PPA2: variants seen among roughly 807,000 people sequenced by gnomAD.
PPA2 encodes the protein inorganic pyrophosphatase 2.
A neutral mutation model predicts 49.5 loss-of-function variants in PPA2; 48 were observed. That is an observed-to-expected ratio of 0.97 (90% CI 0.77 to 1.23). The LOEUF (loss-of-function observed/expected upper bound fraction) is 1.23, where lower values mean the gene tolerates loss of function less well. Among genes scored for constraint, PPA2 ranks in the 50% most tolerant of loss-of-function variants. The pLI, the probability that PPA2 is intolerant of heterozygous loss-of-function variation, is 0.00. For synonymous variants in PPA2, 131 were observed against 139.9 expected (o/e 0.94, Z 0.45); for missense variants, 429 against 410.1 (o/e 1.05, Z -0.40).
chr4:105,449,508 A>T, intron 3 of PPA2, 105 bp from the exon 4 acceptor site: 1 of 657,528 alleles, frequency 1.5e-6, no homozygotes, highest in Non-Finnish European at 2.5e-6. Context: ...CCCGACAAAA[A>T]AAATGTTGAG....
At chr4:105,437,827 T>A (rs1724135147) in intron 6 of PPA2, 123 bp downstream of exon 6, 2 of 678,512 alleles carry the variant, frequency 2.9e-6, no homozygotes, top group Non-Finnish European at 4.8e-6. Flanking sequence ...AAGGAGGGAC[T>A]GATAACAGAG....
intron 4 of PPA2, 45 bp downstream of exon 4, chr4:105,449,305 T>C (rs1722564449): frequency 5.2e-6 from 6 of 1,150,164 alleles, no homozygotes; most frequent in Admixed American, 2.4e-5. Context: ...AAGTTTTATA[T>C]CATTATAATC....
At chr4:105,455,397 G>A (rs1036628961) in intron 2 of PPA2, among the ~76,000 whole-genome samples, 1 of 152,080 alleles carries the variant, frequency 6.6e-6, no homozygotes, top group African/African-American at 2.4e-5. Context: ...TCCTGGAGCT[G>A]CACACTTAAA....
intron 9 of PPA2, among the ~76,000 whole-genome samples, chr4:105,392,372 TA>T (rs201981938): frequency 5.3e-5 from 8 of 150,688 alleles, no homozygotes; most frequent in Non-Finnish European, 8.9e-5. Flanking sequence ...CTACCTGGAT[TA>T]AAAAAAAACA....
At chr4:105,463,454 G>C (rs1723175310) in intron 1 of PPA2, among the ~76,000 whole-genome samples, 1 of 152,214 alleles carries the variant, frequency 6.6e-6, no homozygotes, top group African/African-American at 2.4e-5. Context: ...TTTGTGGCCT[G>C]ACAATGTGAG....
At chr4:105,435,337 T>G (rs191897516) in intron 6 of PPA2, among the ~76,000 whole-genome samples, 97 of 152,314 alleles carry the variant, frequency 6.4e-4, no homozygotes, top group African/African-American at 2.3e-3. Context: ...GATGCAAGGA[T>G]GATATGTGAA....
At chr4:105,461,001 A>G (rs1430973570) in intron 1 of PPA2, among the ~76,000 whole-genome samples, 1 of 152,194 alleles carries the variant, frequency 6.6e-6, no homozygotes, top group Non-Finnish European at 1.5e-5. Flanking sequence ...TGTAATAGTG[A>G]AGAAAAAGAG....
chr4:105,398,618 T>C (rs1242805476), intron 8 of PPA2: 2 of 153,686 alleles, frequency 1.3e-5, no homozygotes, highest in Non-Finnish European at 2.9e-5. Context: ...ATAATTCAGG[T>C]GTCCTTTCAA....
At chr4:105,466,929 C>T (rs781432956) in intron 1 of PPA2, among the ~76,000 whole-genome samples, 1 of 152,206 alleles carries the variant, frequency 6.6e-6, no homozygotes, top group South Asian at 2.1e-4. Flanking sequence ...ATACCAAACT[C>T]TGCCATTTTG....
intron 6 of PPA2, among the ~76,000 whole-genome samples, chr4:105,424,759 T>C (rs980189453): frequency 6.6e-6 from 1 of 151,944 alleles, no homozygotes; most frequent in African/African-American, 2.4e-5. Context: ...GGGATCTCAC[T>C]GAGGTTAAAA....
chr4:105,375,498 T>C (rs893793213), intron 10 of PPA2, among the ~76,000 whole-genome samples: 4 of 152,114 alleles, frequency 2.6e-5, no homozygotes, highest in Non-Finnish European at 5.9e-5. Context: ...ACTAGAAAAT[T>C]ACATCCTAAG....
chr4:105,420,818 A>G (rs1215741917), intron 7 of PPA2, among the ~76,000 whole-genome samples: 1 of 152,248 alleles, frequency 6.6e-6, no homozygotes, highest in Non-Finnish European at 1.5e-5. Context: ...GGTGATAGCT[A>G]TGCAGGAGGT....
chr4:105,380,194 T>C (rs1042189291), intron 10 of PPA2, among the ~76,000 whole-genome samples: 4 of 125,634 alleles, frequency 3.2e-5, no homozygotes, highest in Non-Finnish European at 5.6e-5. Flanking sequence ...TTGAATTTGT[T>C]TATGCCTACT....
chr4:105,390,874 A>G (rs1287513023), intron 9 of PPA2, among the ~76,000 whole-genome samples: 2 of 152,154 alleles, frequency 1.3e-5, no homozygotes, highest in Non-Finnish European at 2.9e-5. Flanking sequence ...TACTATTAAG[A>G]CTCATGCACA....
intron 7 of PPA2, chr4:105,423,297 T>C (rs1723333173): frequency 6.6e-6 from 1 of 152,064 alleles, no homozygotes; most frequent in Non-Finnish European, 1.5e-5. Flanking sequence ...TAAACTAAGA[T>C]TAATACATTG....
At chr4:105,470,599 CTTA>C (rs757034886) in intron 1 of PPA2, among the ~76,000 whole-genome samples, 1 of 152,220 alleles carries the variant, frequency 6.6e-6, no homozygotes, top group Non-Finnish European at 1.5e-5. Context: ...ATCACATCAC[CTTA>C]TTTTCTCCCT....
intron 9 of PPA2, among the ~76,000 whole-genome samples, chr4:105,394,553 T>C (rs55755102): frequency 0.12 from 18,764 of 152,114 alleles, 1,216 homozygotes; most frequent in African/African-American, 0.15. Context: ...TTACATAACA[T>C]ATATAAATCA....
At chr4:105,418,834 T>C (rs1259436184) in intron 7 of PPA2, among the ~76,000 whole-genome samples, 1 of 152,226 alleles carries the variant, frequency 6.6e-6, no homozygotes, top group Non-Finnish European at 1.5e-5. Flanking sequence ...TCCTTAGGCA[T>C]CAGTGGCAGT....
chr4:105,435,860 T>G (rs1352001133), intron 6 of PPA2, among the ~76,000 whole-genome samples: 1 of 151,922 alleles, frequency 6.6e-6, no homozygotes, highest in Admixed American at 6.6e-5. Context: ...ATACCAAATG[T>G]GAAAAAGTTG....
Sources: gnomAD v4.1 joint callset for allele counts (sites outside exome capture counted in the v4.1 genomes callset) on GRCh38, gnomAD v4.1.1 for gene constraint, MANE v1.5 for transcripts, NCBI Gene and HGNC (gene_info 2026-07-23, HGNC 2026-07-21) for gene names.